The following TNPO2 variants were observed in gnomAD, a reference collection of about 807,000 sequenced individuals.
The protein encoded by TNPO2 is transportin 2.
Under a neutral mutation model 111.1 loss-of-function variants are expected in TNPO2, and 16 were observed. That is an observed-to-expected ratio of 0.14 (90% CI 0.10 to 0.22). TNPO2 has a LOEUF of 0.22. Ranked by LOEUF, TNPO2 falls within the 10% of genes least tolerant of loss-of-function variation. TNPO2 has a pLI of 1.00. For missense variants in TNPO2, 530 were observed against 1,173.7 expected (o/e 0.45, Z 8.01); for synonymous variants, 481 against 475.8 (o/e 1.01, Z -0.14).
At position 12,701,860 on chromosome 19, in the gene TNPO2, A is replaced by G. The variant is rs1369760970; in HGVS notation, c.2412-9T>C. ...TCCTGAGGGACGTGCACCTGTGGGA[A>G]GGTGAGCAGCTGGAGGTCAGAGGGC... On this transcript the variant is annotated splice_polypyrimidine_tract_variant and intron_variant, in intron 22 of 25. Coordinates refer to ENST00000425528, the MANE Select transcript of TNPO2 (RefSeq NM_001382241.1). This position sits in a 1 kb window ranked among gnomAD's most constrained non-coding sequence, Gnocchi z 5.0. 6.2e-7 allele frequency: 1 copy of G among 1,611,114 alleles called. No individual in the cohort carries two copies. The highest frequency in any genetic ancestry group is 1.1e-5 in the South Asian group (1 of 91,050).
chr19:12,723,051 GGAAA>G, intron 2 of TNPO2, among the ~76,000 whole-genome samples, 194 bp downstream of exon 2: 1 of 152,278 alleles, frequency 6.6e-6, no homozygotes, highest in East Asian at 1.9e-4. Context: ...CAGAGACAAA[GGAAA>G]GAAAGCAGGA....
intron 10 of TNPO2, among the ~76,000 whole-genome samples, chr19:12,711,883 T>C (rs1227905985): frequency 1.3e-5 from 2 of 149,798 alleles, no homozygotes; most frequent in Non-Finnish European, 3.0e-5. Flanking sequence ...TTTTTTTTTC[T>C]TAAGAAGCAG....
intron 5 of TNPO2, among the ~76,000 whole-genome samples, chr19:12,717,760 T>C (rs527909659): frequency 2.8e-4 from 42 of 152,202 alleles, no homozygotes; most frequent in African/African-American, 1.0e-3. Flanking sequence ...TACTGCAACC[T>C]CTGCCTCCCG....
Position 12,702,505 on chromosome 19 carries a change from T to G in TNPO2, c.2305+318A>C. 5.6e-6 allele frequency: 3 copies of G among 534,854 alleles called. No individual in the cohort carries two copies. Among genetic ancestry groups the G allele is most frequent in the Non-Finnish European group, 1.0e-5 (3 of 296,062 alleles). The allele number at this position is 534,854 out of a possible 1,614,324, so 33.1% of individuals were successfully genotyped here. ...CCTCAGCCTCCCGAGTAGCTGGGAT[T>G]GCAGGCACGTGCCATTACCCCCGGC... On this transcript the variant is annotated intron_variant, in intron 21 of 25. Transcript: ENST00000425528. The surrounding 1 kb of genome is among the most constrained non-coding windows in gnomAD (Gnocchi z 5.5).
rs2025664100 is a variant in TNPO2, at chr19:12,706,375, G to A, written c.1497-8C>T. 1 of 1,613,922 alleles carries A rather than the reference G, an allele frequency of 6.2e-7. No individual in the cohort carries two copies. Among genetic ancestry groups the A allele is most frequent in the African/African-American group, 1.3e-5 (1 of 74,906 alleles). Reference sequence around the variant, plus strand: ...TCCAGGGTGGCAAAAGCACTGGTGGGAGGGAGGATGAAGCGGGGGCTCAGT... The same window carrying A: ...TCCAGGGTGGCAAAAGCACTGGTGGAAGGGAGGATGAAGCGGGGGCTCAGT... On this transcript the variant is annotated splice_region_variant and splice_polypyrimidine_tract_variant and intron_variant, in intron 14 of 25. Coordinates refer to ENST00000425528, the MANE Select transcript of TNPO2 (RefSeq NM_001382241.1). This position sits in a 1 kb window ranked among gnomAD's most constrained non-coding sequence, Gnocchi z 7.0.
Position 12,715,503 on chromosome 19 carries a change from G to A in TNPO2, c.468C>T (p.Asp156=). 5 of 1,613,974 alleles carry A rather than the reference G, an allele frequency of 3.1e-6. No individual in the cohort carries two copies. The highest frequency in any genetic ancestry group is 4.2e-6 in the Non-Finnish European group (5 of 1,179,876). The change falls in exon 7 of 26, where the codon GAC becomes GAT. Residue 156 remains aspartate, a synonymous_variant. Coordinates refer to ENST00000425528, the MANE Select transcript of TNPO2 (RefSeq NM_001382241.1). This position sits in a 1 kb window ranked among gnomAD's most constrained non-coding sequence, Gnocchi z 7.1. ...AFGALQKICE[D]SSELLDSDAL... ...CGTCACTGTCCAGAAGCTCTGATGA[G>A]TCTTCACAGATCTTCTGCAGGGCTC... is the stretch of plus-strand genomic sequence containing the variant.
rs1005985916 is a variant in TNPO2 at position 12,721,490 on chromosome 19, G to A, written c.-13-500C>T. 1 of 413,360 alleles carries A rather than the reference G, an allele frequency of 2.4e-6. No individual in the cohort carries two copies. The highest frequency in any genetic ancestry group is 4.6e-6 in the Non-Finnish European group (1 of 217,314). The allele number at this position is 413,360 out of a possible 1,614,324, so 25.6% of individuals were successfully genotyped here. A position where few individuals can be genotyped will look rare whatever the true frequency, so the allele number is the denominator to read the frequency against. On this transcript the variant is annotated intron_variant, in intron 2 of 25. Coordinates refer to ENST00000425528, the MANE Select transcript of TNPO2 (RefSeq NM_001382241.1). This position sits in a 1 kb window ranked among gnomAD's most constrained non-coding sequence, Gnocchi z 4.9. ...TGCCCTTAACTTCTGCCAGATCCCAGAGGCCTCCTGCCCTAGTCCAATTTC... is the reference window on the plus strand; with the variant it reads ...TGCCCTTAACTTCTGCCAGATCCCAAAGGCCTCCTGCCCTAGTCCAATTTC...
At chr19:12,704,149 T>G (rs566351675) in intron 18 of TNPO2, among the ~76,000 whole-genome samples, 24 of 152,310 alleles carry the variant, frequency 1.6e-4, no homozygotes, top group Admixed American at 1.2e-3. Flanking sequence ...GGCAGATCAC[T>G]TGAGGTCAGG....
rs1966907764 is a variant in TNPO2, at chr19:12,721,173, C to A, written c.-13-183G>T. The A allele has an allele frequency of 2.9e-6, 4 of 1,398,780 alleles. No individual in the cohort carries two copies. The highest frequency in any genetic ancestry group is 3.2e-5 in the Admixed American group (1 of 31,162). The allele number at this position is 1,398,780 out of a possible 1,614,324, so 86.6% of individuals were successfully genotyped here. A position where few individuals can be genotyped will look rare whatever the true frequency, so the allele number is the denominator to read the frequency against. On this transcript the variant is annotated intron_variant, in intron 2 of 25. Transcript: ENST00000425528. The surrounding 1 kb of genome is among the most constrained non-coding windows in gnomAD (Gnocchi z 4.9). ...GCCAGCTGCGCCATCCTCGGCCGCG[C>A]AGTCGCGGGCTCGGGAGCGCGGGAG...
Position 12,706,072 on chromosome 19 carries a change from G to T in TNPO2, c.1668+124C>A. On this transcript the variant is annotated intron_variant, in intron 15 of 25. Transcript: ENST00000425528. The surrounding 1 kb of genome is among the most constrained non-coding windows in gnomAD (Gnocchi z 7.0). ...TGGGAGCAGGGCGAGGGCGGGGCCG[G>T]GTCTGTCTGTCTGCCTGTCGAGGTC... is the stretch of plus-strand genomic sequence containing the variant. The T allele has an allele frequency of 9.0e-7, 1 of 1,111,028 alleles. No homozygotes were observed. The highest frequency in any genetic ancestry group is 1.3e-6 in the Non-Finnish European group (1 of 785,292). The allele number at this position is 1,111,028 out of a possible 1,614,324, so 68.8% of individuals were successfully genotyped here.
chr19:12,703,309 C>T lies in TNPO2; in HGVS notation c.2209+119G>A, dbSNP rs952666360. On this transcript the variant is annotated intron_variant, in intron 20 of 25. Coordinates refer to ENST00000425528, the MANE Select transcript of TNPO2 (RefSeq NM_001382241.1). ...CAAATGACCTTTCTGCTTGGCTCCACCCCTGACGACCCCCAAGAGACTTGC... is the reference window on the plus strand; with the variant it reads ...CAAATGACCTTTCTGCTTGGCTCCATCCCTGACGACCCCCAAGAGACTTGC... The T allele has an allele frequency of 3.5e-6, 3 of 866,776 alleles. No individual in the cohort carries two copies. The South Asian group carries it at 4.6e-5, about 13-fold the overall frequency. 53.7% of individuals were successfully genotyped at this position (866,776 alleles called of 1,614,324 possible).
At position 12,706,433 on chromosome 19, in the gene TNPO2, G is replaced by C; in HGVS notation, c.1497-66C>G. The C allele has an allele frequency of 1.3e-6, 2 of 1,599,864 alleles. No homozygotes were observed. Among genetic ancestry groups the C allele is most frequent in the Non-Finnish European group, 1.7e-6 (2 of 1,167,644 alleles). Reference sequence around the variant, plus strand: ...GGCAGGTGACACTGGGCCATGGGCAGTTGGGGAGGGCAACTCAGGATCAGC... The same window carrying C: ...GGCAGGTGACACTGGGCCATGGGCACTTGGGGAGGGCAACTCAGGATCAGC... On this transcript the variant is annotated intron_variant, in intron 14 of 25. Coordinates refer to ENST00000425528, the MANE Select transcript of TNPO2 (RefSeq NM_001382241.1). This position sits in a 1 kb window ranked among gnomAD's most constrained non-coding sequence, Gnocchi z 7.0.
intron 5 of TNPO2, among the ~76,000 whole-genome samples, chr19:12,716,772 A>G (rs2026384858): frequency 6.6e-6 from 1 of 152,146 alleles, no homozygotes. Context: ...CGTTGAGGTG[A>G]CATCTTGATA....
intron 19 of TNPO2, 37 bp downstream of exon 19, chr19:12,703,677 C>T (rs1346922107): frequency 2.5e-6 from 4 of 1,600,736 alleles, no homozygotes; most frequent in East Asian, 4.5e-5. Context: ...GAGGCCGGGG[C>T]TGGGGTCATG....
In TNPO2 at chr19:12,699,535, T is replaced by C. The variant is rs2025182963; in HGVS notation, c.*1729A>G. 6.6e-6 allele frequency: 1 copy of C among 151,818 alleles called. No individual in the cohort carries two copies. Among genetic ancestry groups the C allele is most frequent in the Non-Finnish European group, 1.5e-5 (1 of 68,936 alleles). 9.4% of individuals were successfully genotyped at this position (151,818 alleles called of 1,614,324 possible). A position where few individuals can be genotyped will look rare whatever the true frequency, so the allele number is the denominator to read the frequency against. On this transcript the variant is annotated 3_prime_UTR_variant, in exon 26 of 26. Coordinates refer to ENST00000425528, the MANE Select transcript of TNPO2 (RefSeq NM_001382241.1). ...CCCTGAAGGTGTTTGTATCCCCCCA[T>C]CTTGAGTAGCGAGGGGTTACCAATC...
rs377259635 is a variant in TNPO2 at position 12,715,384 on chromosome 19, C to T, written c.566+21G>A. 1.8e-5 allele frequency: 29 copies of T among 1,613,726 alleles called. No homozygotes were observed. The highest frequency in any genetic ancestry group is 2.4e-5 in the Non-Finnish European group (28 of 1,179,852). On this transcript the variant is annotated intron_variant, in intron 7 of 25. Coordinates refer to ENST00000425528, the MANE Select transcript of TNPO2 (RefSeq NM_001382241.1). The surrounding 1 kb of genome is among the most constrained non-coding windows in gnomAD (Gnocchi z 7.1). ...CTGCCCACTCCAGGCTCCCTGGAAG[C>T]CCCCAGGGAGCTGCACCCACCGGAT...
In TNPO2 at chr19:12,711,440, C is replaced by T; in HGVS notation, c.973G>A (p.Ala325Thr). Residue 325 changes from alanine (A) to threonine (T), a missense_variant, in exon 12 of 26, where the codon GCT (alanine) becomes ACT (threonine). Transcript: ENST00000425528. The stretch of plus-strand genomic sequence containing the variant: ...ATGTCCTGCTCACTGTCGGGGACAG[C>T]CTCATCCTCCTCCACATCCCCCTGG... ...LLKGDVEEDE[A>T]VPDSEQDIKP... is the part of the protein sequence containing the mutation. 6.2e-7 allele frequency: 1 copy of T among 1,613,976 alleles called. No homozygotes were observed. Among genetic ancestry groups the T allele is most frequent in the Non-Finnish European group, 8.5e-7 (1 of 1,179,876 alleles).
At position 12,720,978 on chromosome 19, in the gene TNPO2, G is replaced by GGCGCAA; in HGVS notation, c.-7_-2dup. ...CCTGCTCGTCTGGCTGCCAGTCCAT[G>GGCGCAA]GCGCAAGGCAAGCTGCGGAGGTAGG... On this transcript the variant is annotated 5_prime_UTR_variant, in exon 3 of 26. Transcript: ENST00000425528. 6.3e-7 allele frequency: 1 copy of GGCGCAA among 1,579,978 alleles called. No individual in the cohort carries two copies. The highest frequency in any genetic ancestry group is 1.7e-4 in the Middle Eastern group (1 of 6,032).
intron 20 of TNPO2, 84 bp downstream of exon 20, chr19:12,703,344 A>C (rs2025439735): frequency 7.9e-7 from 1 of 1,265,252 alleles, no homozygotes; most frequent in Non-Finnish European, 1.1e-6. Context: ...CCTTGAAGGA[A>C]GCTGTCAGTC....
Sources: gnomAD v4.1 joint callset for allele counts (sites outside exome capture counted in the v4.1 genomes callset) on GRCh38, gnomAD v4.1.1 for gene constraint, Gnocchi (gnomAD v3.1) non-coding constraint, MANE v1.5 for transcripts, NCBI Gene and HGNC (gene_info 2026-07-23, HGNC 2026-07-21) for gene names.